PID1: variants seen among roughly 807,000 people sequenced by gnomAD.
PID1 encodes the protein phosphotyrosine interaction domain containing 1, also known as PTB-containing, cubilin and LRP1-interacting protein.
A neutral mutation model predicts 19.1 loss-of-function variants in PID1; 10 were observed. The ratio of observed to expected loss-of-function variants is 0.52; its 90% CI spans 0.32 to 0.89. The LOEUF (loss-of-function observed/expected upper bound fraction) is 0.89, where lower values mean the gene tolerates loss of function less well. Ranked by LOEUF, PID1 falls within the 40% of genes least tolerant of loss-of-function variation. PID1 has a pLI of 0.03. For missense variants in PID1, 248 were observed against 285.3 expected, an observed-to-expected ratio of 0.87 and a Z score of 0.94; for synonymous variants, 130 against 116.0, an observed-to-expected ratio of 1.12 and a Z score of -0.78.
intron 2 of PID1, among the ~76,000 whole-genome samples, chr2:229,034,864 TA>T (rs1342542495): frequency 6.6e-6 from 1 of 152,122 alleles, no homozygotes; most frequent in African/African-American, 2.4e-5. Context: ...GGAAAATGTG[TA>T]CCTGTCAGTG....
intron 2 of PID1, among the ~76,000 whole-genome samples, chr2:229,087,597 T>C (rs934391303): frequency 6.6e-6 from 1 of 152,206 alleles, no homozygotes; most frequent in Non-Finnish European, 1.5e-5. Flanking sequence ...TAGACATCAA[T>C]AAATGTTCCT....
intron 2 of PID1, among the ~76,000 whole-genome samples, chr2:229,127,274 T>C (rs879341266): frequency 2.6e-5 from 4 of 152,232 alleles, no homozygotes; most frequent in Admixed American, 6.5e-5. Context: ...AAAGTGGGCC[T>C]AATAATTGTA....
intron 2 of PID1, among the ~76,000 whole-genome samples, chr2:229,109,112 T>C (rs1695237000): frequency 6.6e-6 from 1 of 152,164 alleles, no homozygotes; most frequent in Admixed American, 6.5e-5. Context: ...GGTGATTACA[T>C]AGCTAAAAAT....
At chr2:229,232,132 G>A (rs1210549338) in intron 1 of PID1, 3 of 1,455,224 alleles carry the variant, frequency 2.1e-6, no homozygotes, top group Non-Finnish European at 2.7e-6. Flanking sequence ...ACCTCTTAAA[G>A]GTCCCTCTTG....
At chr2:229,102,553 G>C (rs1290907808) in intron 2 of PID1, among the ~76,000 whole-genome samples, 2 of 152,218 alleles carry the variant, frequency 1.3e-5, no homozygotes, top group Non-Finnish European at 2.9e-5. Context: ...CCTTAGGGAA[G>C]AGAAATGGAA....
chr2:229,138,276 A>C (rs1250632095), intron 2 of PID1, among the ~76,000 whole-genome samples: 2 of 152,148 alleles, frequency 1.3e-5, no homozygotes, highest in African/African-American at 4.8e-5. Context: ...CTGCTGTAAA[A>C]ACTGTGCTCT....
intron 2 of PID1, among the ~76,000 whole-genome samples, chr2:229,086,788 A>C (rs1694775620): frequency 1.3e-5 from 2 of 152,170 alleles, no homozygotes; most frequent in Non-Finnish European, 2.9e-5. Context: ...ATTTTTGTAA[A>C]GCTTACAACT....
In PID1 at chr2:229,232,124, C is replaced by T. The variant is rs1692223781; in HGVS notation, c.30+38890G>A. On this transcript the variant is annotated intron_variant, in intron 1 of 2. Coordinates refer to ENST00000392055, the MANE Select transcript of PID1 (RefSeq NM_001100818.2). Reference sequence around the variant, plus strand: ...GGAGGAGCCCTGATGACTTAACCACCTCTTAAAGGTCCCTCTTGGCCGGGT... The same window carrying T: ...GGAGGAGCCCTGATGACTTAACCACTTCTTAAAGGTCCCTCTTGGCCGGGT... The T allele has an allele frequency of 2.1e-6, 3 of 1,460,428 alleles. No homozygotes were observed. The South Asian group carries it at 4.4e-5, about 21-fold the overall frequency. The allele number at this position is 1,460,428 out of a possible 1,614,324, so 90.5% of individuals were successfully genotyped here.
At chr2:229,107,660 A>T (rs1388285468) in intron 2 of PID1, among the ~76,000 whole-genome samples, 1 of 152,206 alleles carries the variant, frequency 6.6e-6, no homozygotes, top group Admixed American at 6.5e-5. Context: ...CAAGTTGTCG[A>T]CGGTGCTTTT....
intron 1 of PID1, among the ~76,000 whole-genome samples, chr2:229,256,724 T>C (rs889131825): frequency 6.6e-6 from 1 of 152,188 alleles, no homozygotes; most frequent in Non-Finnish European, 1.5e-5. Context: ...CTTTTATTCC[T>C]AGGGTACCCT....
intron 1 of PID1, among the ~76,000 whole-genome samples, chr2:229,264,141 T>C (rs572027647): frequency 6.6e-5 from 10 of 152,310 alleles, no homozygotes; most frequent in African/African-American, 2.4e-4. Flanking sequence ...TTGAGAATAC[T>C]TGCCACGCTA....
At chr2:229,197,634 A>T (rs887405823) in intron 1 of PID1, among the ~76,000 whole-genome samples, 2 of 152,014 alleles carry the variant, frequency 1.3e-5, no homozygotes, top group Non-Finnish European at 2.9e-5. Context: ...AGTGTTCTAC[A>T]TTGGGTGGTA....
At chr2:229,189,056 T>G (rs1312662762) in intron 1 of PID1, among the ~76,000 whole-genome samples, 1 of 152,188 alleles carries the variant, frequency 6.6e-6, no homozygotes, top group Non-Finnish European at 1.5e-5. Flanking sequence ...CCTTAAATCA[T>G]GAGAAGAACT....
At chr2:229,142,453 A>C (rs1445265927) in intron 2 of PID1, among the ~76,000 whole-genome samples, 1 of 152,192 alleles carries the variant, frequency 6.6e-6, no homozygotes, top group Non-Finnish European at 1.5e-5. Flanking sequence ...ATGGAAAGGA[A>C]AAAATCAATG....
At chr2:229,092,023 C>T (rs1406171400) in intron 2 of PID1, among the ~76,000 whole-genome samples, 1 of 152,202 alleles carries the variant, frequency 6.6e-6, no homozygotes, top group Non-Finnish European at 1.5e-5. Flanking sequence ...AAGTACAGTG[C>T]ACGTTCAACC....
intron 1 of PID1, among the ~76,000 whole-genome samples, chr2:229,253,002 G>A (rs1690193667): frequency 6.6e-6 from 1 of 152,200 alleles, no homozygotes; most frequent in South Asian, 2.1e-4. Flanking sequence ...AAGTAGCAAA[G>A]CAGGTCTTGA....
At chr2:229,032,885 G>C (rs906289951) in intron 2 of PID1, among the ~76,000 whole-genome samples, 1 of 152,122 alleles carries the variant, frequency 6.6e-6, no homozygotes, top group African/African-American at 2.4e-5. Flanking sequence ...AAAATATAGA[G>C]AGGCTGTGAA....
chr2:229,165,288 C>G (rs1343528741), intron 1 of PID1, among the ~76,000 whole-genome samples: 1 of 152,056 alleles, frequency 6.6e-6, no homozygotes, highest in East Asian at 1.9e-4. Flanking sequence ...ATTTAAATGA[C>G]CTAACATCCA....
At chr2:229,073,386 G>A (rs1223365156) in intron 2 of PID1, among the ~76,000 whole-genome samples, 1 of 152,224 alleles carries the variant, frequency 6.6e-6, no homozygotes, top group African/African-American at 2.4e-5. Flanking sequence ...CTTGAGAGTT[G>A]AGAGGCAATT....
Sources: allele counts gnomAD v4.1 joint callset (sites outside exome capture counted in the v4.1 genomes callset), GRCh38; gene constraint gnomAD v4.1.1; transcripts MANE v1.5; gene names NCBI Gene and HGNC (gene_info 2026-07-23, HGNC 2026-07-21).